The following DENND1A variants were observed in gnomAD, a reference collection of about 807,000 sequenced individuals.
DENND1A encodes the protein DENN domain containing 1A, also known as DENN domain-containing protein 1A.
DENND1A carries 51 observed loss-of-function variants against 113.7 expected under a neutral mutation model. The ratio of observed to expected loss-of-function variants is 0.45; its 90% CI spans 0.36 to 0.57. The LOEUF is 0.57. Among genes scored for constraint, DENND1A ranks in the 20% least tolerant of loss-of-function variants. DENND1A has a pLI of 0.00. For missense variants in DENND1A, 1,258 were observed against 1,395.9 expected (o/e 0.90, Z 1.57); for synonymous variants, 565 against 570.8 (o/e 0.99, Z 0.14).
chr9:123,554,183 T>C (rs1403629784), intron 13 of DENND1A, among the ~76,000 whole-genome samples: 2 of 152,164 alleles, frequency 1.3e-5, no homozygotes, highest in African/African-American at 4.8e-5. Context: ...TCCCTATTTC[T>C]TGGGCTCATA....
chr9:123,474,308 T>C (rs1483683224), intron 13 of DENND1A, among the ~76,000 whole-genome samples: 1 of 152,172 alleles, frequency 6.6e-6, no homozygotes, highest in Non-Finnish European at 1.5e-5. Context: ...AACATTTACT[T>C]TCACAGCATT....
intron 10 of DENND1A, among the ~76,000 whole-genome samples, chr9:123,621,634 A>C (rs1589390699): frequency 2.6e-5 from 4 of 152,172 alleles, no homozygotes. Flanking sequence ...CCACCTGAAA[A>C]CATTGGCTCA....
At chr9:123,528,247 C>G (rs532935939) in intron 13 of DENND1A, among the ~76,000 whole-genome samples, 1 of 152,274 alleles carries the variant, frequency 6.6e-6, no homozygotes, top group Non-Finnish European at 1.5e-5. Context: ...AGTTTTGAAA[C>G]CTTATTCTCA....
intron 5 of DENND1A, among the ~76,000 whole-genome samples, chr9:123,746,068 C>T (rs1714741221): frequency 6.6e-6 from 1 of 152,116 alleles, no homozygotes; most frequent in Admixed American, 6.5e-5. Flanking sequence ...TTCTGAACTT[C>T]AATGGTGATT....
chr9:123,665,731 G>C (rs2063462614), intron 8 of DENND1A, among the ~76,000 whole-genome samples: 1 of 152,106 alleles, frequency 6.6e-6, no homozygotes, highest in Non-Finnish European at 1.5e-5. Context: ...ACTCAAACAG[G>C]CATTTGTACG....
At chr9:123,406,992 G>A (rs1018926160) in intron 20 of DENND1A, among the ~76,000 whole-genome samples, 30 of 152,298 alleles carry the variant, frequency 2.0e-4, no homozygotes, top group African/African-American at 6.3e-4. Context: ...AACTTGCAAC[G>A]TGGTGAAACA....
intron 11 of DENND1A, among the ~76,000 whole-genome samples, chr9:123,592,108 T>C (rs2059486801): frequency 6.6e-6 from 1 of 152,180 alleles, no homozygotes; most frequent in South Asian, 2.1e-4. Flanking sequence ...GTATGAAGAT[T>C]TTAACACAAT....
intron 1 of DENND1A, among the ~76,000 whole-genome samples, chr9:123,929,409 G>A (rs1857622828): frequency 6.6e-6 from 1 of 152,178 alleles, no homozygotes; most frequent in South Asian, 2.1e-4. Flanking sequence ...ACCTTAGGTG[G>A]CCACACCATG....
At position 123,598,780 on chromosome 9, in the gene DENND1A, A is replaced by G. The variant is rs554961318; in HGVS notation, c.765+10656T>C. ...GCTTCATAATTTAACCCATTCGGTCAGTACAAAATATTTGCAGTTAAATGC... is the reference window on the plus strand; with the variant it reads ...GCTTCATAATTTAACCCATTCGGTCGGTACAAAATATTTGCAGTTAAATGC... On this transcript the variant is annotated intron_variant, in intron 11 of 23. Coordinates refer to ENST00000394215, the MANE Select transcript of DENND1A (RefSeq NM_001352964.2). 5.3e-5 allele frequency among the ~76,000 whole-genome samples: 8 copies of G among 152,288 alleles called. No individual in the cohort carries two copies. The East Asian group carries it at 1.5e-3, about 29-fold the overall frequency.
At chr9:123,688,317 T>C (rs1359219118) in intron 5 of DENND1A, among the ~76,000 whole-genome samples, 1 of 152,156 alleles carries the variant, frequency 6.6e-6, no homozygotes, top group Non-Finnish European at 1.5e-5. Context: ...TGTTACACAG[T>C]GATTATACTT....
chr9:123,677,622 C>T (rs1161728111), intron 5 of DENND1A, among the ~76,000 whole-genome samples: 1 of 152,094 alleles, frequency 6.6e-6, no homozygotes, highest in Non-Finnish European at 1.5e-5. Context: ...TTAATAGAGA[C>T]GGGGTTTCAC....
chr9:123,621,147 T>C (rs777665490), intron 10 of DENND1A, among the ~76,000 whole-genome samples: 5 of 151,280 alleles, frequency 3.3e-5, no homozygotes, highest in Non-Finnish European at 7.4e-5. Context: ...TAAGTCTATA[T>C]ATTTAGTTGA....
rs149937813 is a variant in DENND1A, at chr9:123,486,152, C to A, written c.994-28255G>T. On this transcript the variant is annotated intron_variant, in intron 13 of 23. Coordinates refer to ENST00000394215, the MANE Select transcript of DENND1A (RefSeq NM_001352964.2). ...TCACAACCTCTCTGAGCCCTAATTT[C>A]CTCCTCTGTAAAAGAAGCTCAATCA... Among the ~76,000 whole-genome samples, 144 of 152,270 alleles carry A rather than the reference C, an allele frequency of 9.5e-4. 1 individual carries two copies. Among genetic ancestry groups the A allele is most frequent in the African/African-American group, 3.0e-3 (126 of 41,542 alleles).
At chr9:123,691,228 T>C (rs1589685238) in intron 5 of DENND1A, among the ~76,000 whole-genome samples, 2 of 152,176 alleles carry the variant, frequency 1.3e-5, no homozygotes, top group Non-Finnish European at 1.5e-5. Flanking sequence ...GATAAATCAA[T>C]GAACAAGACA....
intron 18 of DENND1A, among the ~76,000 whole-genome samples, chr9:123,444,465 C>T (rs775003469): frequency 6.6e-6 from 1 of 152,100 alleles, no homozygotes; most frequent in Non-Finnish European, 1.5e-5. Flanking sequence ...ACCAGCCTGG[C>T]CAACGTGGTG....
At chr9:123,843,955 T>C (rs984866365) in intron 2 of DENND1A, among the ~76,000 whole-genome samples, 2 of 152,078 alleles carry the variant, frequency 1.3e-5, no homozygotes, top group African/African-American at 4.8e-5. Context: ...ATCTAGAGAA[T>C]GATGAACAAA....
intron 13 of DENND1A, among the ~76,000 whole-genome samples, chr9:123,552,878 G>T (rs1334745978): frequency 6.6e-6 from 1 of 152,232 alleles, no homozygotes; most frequent in Non-Finnish European, 1.5e-5. Context: ...ATCCGCCTAA[G>T]AAAATAATTC....
chr9:123,476,364 C>T (rs1457073732), intron 13 of DENND1A, among the ~76,000 whole-genome samples: 1 of 152,140 alleles, frequency 6.6e-6, no homozygotes, highest in Non-Finnish European at 1.5e-5. Context: ...TGATCTTGGG[C>T]AAGTGTCTAC....
chr9:123,658,809 G>A (rs1425937852), intron 8 of DENND1A, among the ~76,000 whole-genome samples: 2 of 152,198 alleles, frequency 1.3e-5, no homozygotes, highest in African/African-American at 2.4e-5. Flanking sequence ...TGTCCTTAGA[G>A]AAGGAGAGAG....
Sources: allele counts gnomAD v4.1 joint callset (sites outside exome capture counted in the v4.1 genomes callset), GRCh38; gene constraint gnomAD v4.1.1; transcripts MANE v1.5; gene names NCBI Gene and HGNC (gene_info 2026-07-23, HGNC 2026-07-21).